Variants in MYO7A observed in about 807,000 individuals in gnomAD.
MYO7A encodes unconventional myosin-VIIa.
In MYO7A, 210 loss-of-function variants were observed where a neutral mutation model predicts 263.8. That is an observed-to-expected ratio of 0.80 (90% CI 0.71 to 0.89). The LOEUF (loss-of-function observed/expected upper bound fraction) is 0.89, where lower values mean the gene tolerates loss of function less well. MYO7A is among the 40% of genes least tolerant of loss of function. MYO7A has a pLI of 0.00. For missense variants in MYO7A, 2,820 were observed against 2,968.3 expected (o/e 0.95, Z 1.16); for synonymous variants, 1,239 against 1,197.3 (o/e 1.03, Z -0.72).
intron 2 of MYO7A, among the ~76,000 whole-genome samples, chr11:77,131,420 GTGTGTC>G (rs797024721): frequency 2.6e-5 from 4 of 152,348 alleles, no homozygotes; most frequent in African/African-American, 9.6e-5. Context: ...GTGCGCGTGT[GTGTGTC>G]TGTGTGTGTG....
intron 15 of MYO7A, among the ~76,000 whole-genome samples, chr11:77,166,460 C>T (rs1038934027): frequency 6.6e-6 from 1 of 152,182 alleles, no homozygotes; most frequent in Non-Finnish European, 1.5e-5. Flanking sequence ...CCCTGGAATC[C>T]AGCTGCTAAA....
At chr11:77,149,028 A>AG (rs1951780362) in intron 4 of MYO7A, among the ~76,000 whole-genome samples, 1 of 152,164 alleles carries the variant, frequency 6.6e-6, no homozygotes, top group Non-Finnish European at 1.5e-5. Context: ...TGGACCCCCT[A>AG]GGGGTCTTTG....
intron 33 of MYO7A, among the ~76,000 whole-genome samples, chr11:77,198,231 G>A (rs1366667313): frequency 3.3e-5 from 5 of 152,120 alleles, no homozygotes; most frequent in Admixed American, 1.3e-4. Flanking sequence ...CCCAGATCCC[G>A]CCTTAGTGCA....
In MYO7A at chr11:77,156,934, A is replaced by T. The variant is rs1555063018; in HGVS notation, c.665A>T (p.Asn222Ile). The change falls in exon 7 of 49, where the codon AAC becomes ATC. Residue 222 changes from asparagine (N) to isoleucine (I), a missense_variant. Transcript: ENST00000409709. ...RFGKYIDIHF[N>I]KRGAIEGAKI... ...GGAAAGTACATCGACATCCACTTCAACAAGCGGGGCGCCATCGAGGGCGCG... is the reference window on the plus strand; with the variant it reads ...GGAAAGTACATCGACATCCACTTCATCAAGCGGGGCGCCATCGAGGGCGCG... 1 of 1,614,006 alleles carries T rather than the reference A, an allele frequency of 6.2e-7. No individual in the cohort carries two copies.
intron 4 of MYO7A, 90 bp downstream of exon 4, chr11:77,148,040 C>A: frequency 8.2e-7 from 1 of 1,220,544 alleles, no homozygotes; most frequent in Non-Finnish European, 1.1e-6. Flanking sequence ...GCCTCCGGCC[C>A]CGCCCTGCCG....
rs151115896 is a variant in MYO7A, at chr11:77,157,514, G to T, written c.849+122G>T. ...AGGGCTCAGGTGCCAGCTTCTTGCT[G>T]GCTTGTCTGGACACCAAGGAGAAGT... On this transcript the variant is annotated intron_variant, in intron 8 of 48. Coordinates refer to ENST00000409709, the MANE Select transcript of MYO7A (RefSeq NM_000260.4). 217 of 670,204 alleles carry T rather than the reference G, an allele frequency of 3.2e-4. 1 individual carries two copies. In the African/African-American group the frequency reaches 3.5e-3, roughly 11 times the overall value. The allele number at this position is 670,204 out of a possible 1,614,324, so 41.5% of individuals were successfully genotyped here. A position where few individuals can be genotyped will look rare whatever the true frequency, so the allele number is the denominator to read the frequency against.
intron 11 of MYO7A, 36 bp downstream of exon 11, chr11:77,160,318 C>T (rs1952876346): frequency 1.3e-6 from 2 of 1,538,212 alleles, no homozygotes; most frequent in South Asian, 1.2e-5. Context: ...GCTCGCCCTA[C>T]CCCTTGGGAA....
chr11:77,203,298 G>A, intron 38 of MYO7A, 81 bp downstream of exon 38: 3 of 1,467,960 alleles, frequency 2.0e-6, no homozygotes, highest in South Asian at 1.3e-5. Context: ...CCTCCTGAGG[G>A]CCTGCTGCGA....
chr11:77,130,748 C>T, intron 2 of MYO7A, 96 bp downstream of exon 2: 1 of 1,415,068 alleles, frequency 7.1e-7, no homozygotes, highest in African/African-American at 1.4e-5. Flanking sequence ...AGGGTGTTCT[C>T]TTGGAAAATT....
At position 77,204,946 on chromosome 11, in the gene MYO7A, C is replaced by T. The variant is rs111419613; in HGVS notation, c.5481-516C>T. On this transcript the variant is annotated intron_variant, in intron 39 of 48. Coordinates refer to ENST00000409709, the MANE Select transcript of MYO7A (RefSeq NM_000260.4). ...CATCCTTCAAAGCCTAGTTCAAATG[C>T]CACCTCCTCCTAGAAGCCCTCCAAA... Among the ~76,000 whole-genome samples the T allele has an allele frequency of 3.5e-3, 526 of 152,330 alleles. 2 individuals carry two copies. The highest frequency in any genetic ancestry group is 0.012 in the African/African-American group (492 of 41,574).
At chr11:77,184,882 C>T in intron 27 of MYO7A, 167 bp downstream of exon 27, 1 of 1,177,296 alleles carries the variant, frequency 8.5e-7, no homozygotes, top group South Asian at 1.3e-5. Context: ...CTTTCTAAGC[C>T]TCTGATTCCT....
chr11:77,201,053 C>G (rs536934988), intron 35 of MYO7A, among the ~76,000 whole-genome samples: 2 of 152,334 alleles, frequency 1.3e-5, no homozygotes, highest in South Asian at 4.1e-4. Context: ...GGAGGAAGCC[C>G]GTGTGACCAG....
At position 77,155,908 on chromosome 11, in the gene MYO7A, C is replaced by T. The variant is rs781811444; in HGVS notation, c.287C>T (p.Thr96Met). Residue 96 changes from threonine (T) to methionine (M), a missense_variant and splice_region_variant, in exon 5 of 49, where the codon ACG becomes ATG. Transcript: ENST00000409709. ...CTCCCCATCTCTTGCTGCCCGCAGA[C>T]GTATACGGGCTCCATCCTGGTGGCT... ...LIRYRDHLIY[T>M]YTGSILVAVN... The T allele has an allele frequency of 1.1e-5, 18 of 1,596,774 alleles. No homozygotes were observed. In the African/African-American group the frequency reaches 1.2e-4, roughly 11 times the overall value.
At chr11:77,205,760 G>A (rs1488347640) in intron 40 of MYO7A, 143 bp downstream of exon 40, 1 of 1,161,468 alleles carries the variant, frequency 8.6e-7, no homozygotes, top group East Asian at 2.5e-5. Context: ...CTAGACGGAG[G>A]TGCGGATCCT....
intron 47 of MYO7A, 21 bp from the exon 48 acceptor site, chr11:77,213,839 A>G (rs549891292): frequency 1.1e-5 from 17 of 1,613,804 alleles, no homozygotes; most frequent in Non-Finnish European, 1.4e-5. Context: ...GTGCCTCTCT[A>G]TGCCCTTTCT....
At position 77,208,218 on chromosome 11, in the gene MYO7A, A is replaced by G. The variant is rs551573133; in HGVS notation, c.5857-212A>G. Among the ~76,000 whole-genome samples the G allele has an allele frequency of 2.7e-4, 41 of 152,276 alleles. No homozygotes were observed. The South Asian group carries it at 8.5e-3, about 32-fold the overall frequency. ...CAGCGTTCAGTGTCCCAGGCACTGA[A>G]TGGAATGACCATCGCTCCCGGCAAG... On this transcript the variant is annotated intron_variant, in intron 42 of 48. Coordinates refer to ENST00000409709, the MANE Select transcript of MYO7A (RefSeq NM_000260.4).
At chr11:77,136,626 C>T (rs184881965) in intron 2 of MYO7A, among the ~76,000 whole-genome samples, 1 of 152,340 alleles carries the variant, frequency 6.6e-6, no homozygotes, top group East Asian at 1.9e-4. Context: ...GGCTGGCACT[C>T]ATATACATTT....
intron 40 of MYO7A, 54 bp downstream of exon 40, chr11:77,205,671 C>A (rs576496785): frequency 1.2e-6 from 2 of 1,604,232 alleles, no homozygotes; most frequent in African/African-American, 1.3e-5. Context: ...CCTGGCCACG[C>A]GGGGCTTGTG....
rs1206351532 is a variant in MYO7A at position 77,181,606 on chromosome 11, A to G, written c.2904+17A>G. Reference sequence around the variant, plus strand: ...GGCTTTGAGGTACCAGGCTAGGGACAGGGGCTCCAGAGGCCCACACACACC... The same window carrying G: ...GGCTTTGAGGTACCAGGCTAGGGACGGGGGCTCCAGAGGCCCACACACACC... On this transcript the variant is annotated intron_variant, in intron 23 of 48. Coordinates refer to ENST00000409709, the MANE Select transcript of MYO7A (RefSeq NM_000260.4). The G allele has an allele frequency of 3.7e-6, 6 of 1,610,162 alleles. No homozygotes were observed. The highest frequency in any genetic ancestry group is 1.7e-5 in the Admixed American group (1 of 59,878).
Sources: allele counts gnomAD v4.1 joint callset (sites outside exome capture counted in the v4.1 genomes callset), GRCh38; gene constraint gnomAD v4.1.1; transcripts MANE v1.5; gene names NCBI Gene and HGNC (gene_info 2026-07-23, HGNC 2026-07-21).